The following AMPH variants were observed in gnomAD, a reference collection of about 807,000 sequenced individuals.
AMPH encodes the protein amphiphysin (Stiff-Mann syndrome with breast cancer 128kD autoantigen).
Under a neutral mutation model 99.1 loss-of-function variants are expected in AMPH, and 49 were observed. The observed-to-expected ratio is 0.49, with a 90% CI of 0.39 to 0.63. The LOEUF (loss-of-function observed/expected upper bound fraction) is 0.63, where lower values mean the gene tolerates loss of function less well. Ranked by LOEUF, AMPH falls within the 20% of genes least tolerant of loss-of-function variation. The probability of loss-of-function intolerance (pLI) is 0.00; values close to 1 mark genes in which losing one functional copy is unlikely to be tolerated. For missense variants in AMPH, 759 were observed against 863.4 expected (o/e 0.88, Z 1.52); for synonymous variants, 314 against 317.3 (o/e 0.99, Z 0.11).
intron 1 of AMPH, among the ~76,000 whole-genome samples, chr7:38,556,490 C>T (rs1034072459): frequency 1.3e-5 from 2 of 152,148 alleles, no homozygotes; most frequent in African/African-American, 2.4e-5. Flanking sequence ...TGGGGAGATA[C>T]CAGCGAAGGC....
At chr7:38,438,757 C>T (rs966910391) in intron 11 of AMPH, among the ~76,000 whole-genome samples, 3 of 152,028 alleles carry the variant, frequency 2.0e-5, no homozygotes, top group Admixed American at 2.0e-4. Context: ...CTTCTTTGAG[C>T]CTCGGTTTCT....
chr7:38,623,942 G>GACAATTCC (rs1794153701), intron 1 of AMPH, among the ~76,000 whole-genome samples: 2 of 152,148 alleles, frequency 1.3e-5, no homozygotes, highest in South Asian at 4.1e-4. Context: ...TCACAAATAT[G>GACAATTCC]ACAATTCCAC....
chr7:38,609,444 C>T (rs1318213833), intron 1 of AMPH, among the ~76,000 whole-genome samples: 1 of 152,180 alleles, frequency 6.6e-6, no homozygotes, highest in Non-Finnish European at 1.5e-5. Flanking sequence ...CTGGCTGAAG[C>T]ACTTTAGGCA....
chr7:38,541,017 TAAAAAAAAAA>T (rs60200785), intron 1 of AMPH, among the ~76,000 whole-genome samples: 1 of 97,694 alleles, frequency 1.0e-5, no homozygotes, highest in Admixed American at 1.1e-4. Context: ...TTTCTGTTCT[TAAAAAAAAAA>T]AAAAAAAAAA....
At chr7:38,564,202 C>T (rs1791649936) in intron 1 of AMPH, among the ~76,000 whole-genome samples, 1 of 152,182 alleles carries the variant, frequency 6.6e-6, no homozygotes, top group African/African-American at 2.4e-5. Context: ...GGTTTAGATG[C>T]TGTGTAGTTT....
chr7:38,527,067 A>G (rs1790216834), intron 2 of AMPH, among the ~76,000 whole-genome samples: 1 of 152,186 alleles, frequency 6.6e-6, no homozygotes, highest in African/African-American at 2.4e-5. Context: ...AAACCAGTTG[A>G]GCATATTTGT....
intron 1 of AMPH, among the ~76,000 whole-genome samples, chr7:38,541,255 A>C (rs1456917268): frequency 1.9e-5 from 2 of 107,674 alleles, no homozygotes; most frequent in Non-Finnish European, 4.1e-5. Context: ...AAGTCCCATA[A>C]CTTATGACTG....
chr7:38,533,551 G>A (rs1157034483), intron 2 of AMPH, among the ~76,000 whole-genome samples: 1 of 152,122 alleles, frequency 6.6e-6, no homozygotes, highest in African/African-American at 2.4e-5. Flanking sequence ...GAAATAGAAT[G>A]TCTTGGTGAG....
At chr7:38,423,105 G>C (rs1367534980) in intron 15 of AMPH, among the ~76,000 whole-genome samples, 1 of 152,170 alleles carries the variant, frequency 6.6e-6, no homozygotes, top group Non-Finnish European at 1.5e-5. Flanking sequence ...CTTCTCTTCT[G>C]GCCGTTGATA....
intron 2 of AMPH, among the ~76,000 whole-genome samples, chr7:38,513,155 T>C (rs1373378152): frequency 6.6e-6 from 1 of 152,212 alleles, no homozygotes; most frequent in African/African-American, 2.4e-5. Context: ...ATCAAGATTG[T>C]GTAATCAAAA....
At chr7:38,386,474 T>C (rs1271718550) in intron 20 of AMPH, among the ~76,000 whole-genome samples, 1 of 152,074 alleles carries the variant, frequency 6.6e-6, no homozygotes, top group Non-Finnish European at 1.5e-5. Context: ...GAAAGACAAC[T>C]TGTAAAGAAT....
At chr7:38,528,403 A>T (rs956685276) in intron 2 of AMPH, among the ~76,000 whole-genome samples, 1 of 152,148 alleles carries the variant, frequency 6.6e-6, no homozygotes, top group South Asian at 2.1e-4. Context: ...TCACAAATCC[A>T]CTTTCTTTAA....
intron 1 of AMPH, among the ~76,000 whole-genome samples, chr7:38,576,730 T>TGA (rs954082474): frequency 7.2e-5 from 11 of 152,212 alleles, no homozygotes; most frequent in Non-Finnish European, 1.6e-4. Flanking sequence ...GACTCATGCC[T>TGA]GAGAGATCTC....
At chr7:38,399,928 T>C (rs904296688) in intron 17 of AMPH, among the ~76,000 whole-genome samples, 11 of 152,190 alleles carry the variant, frequency 7.2e-5, no homozygotes, top group Admixed American at 2.0e-4. Context: ...ATATTTACTA[T>C]ATCCATGAGG....
intron 11 of AMPH, among the ~76,000 whole-genome samples, chr7:38,445,010 T>TACACACAC (rs1360486310): frequency 6.4e-5 from 8 of 125,900 alleles, no homozygotes; most frequent in South Asian, 2.8e-4. Context: ...TATATATATA[T>TACACACAC]ACACACACAC....
intron 1 of AMPH, among the ~76,000 whole-genome samples, chr7:38,607,725 T>C (rs1793483075): frequency 6.6e-6 from 1 of 152,196 alleles, no homozygotes; most frequent in African/African-American, 2.4e-5. Context: ...GCTATAAGGA[T>C]GAAGACAAGG....
At chr7:38,453,509 G>A (rs1158084422) in intron 11 of AMPH, among the ~76,000 whole-genome samples, 2 of 152,168 alleles carry the variant, frequency 1.3e-5, no homozygotes, top group Non-Finnish European at 2.9e-5. Flanking sequence ...AAAAGCGAAT[G>A]CTCTTTTAAG....
chr7:38,564,025 C>T (rs528731773), intron 1 of AMPH, among the ~76,000 whole-genome samples: 1 of 152,300 alleles, frequency 6.6e-6, no homozygotes, highest in African/African-American at 2.4e-5. Context: ...ACACTTGGGT[C>T]GCTTCCAACT....
chr7:38,438,536 CA>C (rs200994638), intron 11 of AMPH, among the ~76,000 whole-genome samples: 76,453 of 149,738 alleles, frequency 0.51, 19,905 homozygotes, highest in Admixed American at 0.57. Flanking sequence ...GCAAGTTCTC[CA>C]TAAAATTTTA....
Sources: gnomAD v4.1 joint callset for allele counts (sites outside exome capture counted in the v4.1 genomes callset) on GRCh38, gnomAD v4.1.1 for gene constraint, MANE v1.5 for transcripts, NCBI Gene and HGNC (gene_info 2026-07-23, HGNC 2026-07-21) for gene names.